Variants in LYST observed in about 807,000 individuals in gnomAD.
LYST encodes lysosomal trafficking regulator.
In LYST, 192 loss-of-function variants were observed where a neutral mutation model predicts 413.6. The observed-to-expected ratio is 0.46, with a 90% CI of 0.41 to 0.52. The LOEUF is 0.52. LYST is among the 20% of genes least tolerant of loss of function. The probability of loss-of-function intolerance (pLI) is 0.00; values close to 1 mark genes in which losing one functional copy is unlikely to be tolerated. For synonymous variants in LYST, 1,525 were observed against 1,567.3 expected (o/e 0.97, Z 0.64); for missense variants, 3,815 against 4,499.9 (o/e 0.85, Z 4.35).
chr1:235,674,687 A>G lies in LYST; in HGVS notation c.11038+2404T>C, dbSNP rs1255019006. Among the ~76,000 whole-genome samples, 1 of 152,222 alleles carries G rather than the reference A, an allele frequency of 6.6e-6. No homozygotes were observed. The highest frequency in any genetic ancestry group is 1.5e-5 in the Non-Finnish European group (1 of 68,036). On this transcript the variant is annotated intron_variant, in intron 50 of 52. Transcript: ENST00000389793. This position sits in a 1 kb window ranked among gnomAD's most constrained non-coding sequence, Gnocchi z 4.1. ...GTCAGATGGCTTAGGAAAATAGAAT[A>G]GCCCTTAACATAATATTGGCCAAAA... is the stretch of plus-strand genomic sequence containing the variant.
intron 4 of LYST, 121 bp from the exon 5 acceptor site, chr1:235,810,655 C>A: frequency 1.1e-6 from 1 of 870,270 alleles, no homozygotes; most frequent in South Asian, 1.5e-5. Context: ...ATGTATTTTG[C>A]TGCAGGGCTG....
At position 235,699,263 on chromosome 1, in the gene LYST, G is replaced by A. The variant is rs925384184; in HGVS notation, c.10375-1991C>T. Reference sequence around the variant, plus strand: ...CCACCAACTCCACCGCGTGGCCCCAGGGTGTGTTTTTCCCCTCCCTGTGTC... The same window carrying A: ...CCACCAACTCCACCGCGTGGCCCCAAGGTGTGTTTTTCCCCTCCCTGTGTC... On this transcript the variant is annotated intron_variant, in intron 45 of 52. Transcript: ENST00000389793. 1.3e-5 allele frequency among the ~76,000 whole-genome samples: 2 copies of A among 152,184 alleles called. 1 individual carries two copies. Among genetic ancestry groups the A allele is most frequent in the Admixed American group, 1.3e-4 (2 of 15,294 alleles).
chr1:235,880,793 T>C (rs1003243642), intron 1 of LYST, among the ~76,000 whole-genome samples: 6 of 152,156 alleles, frequency 3.9e-5, no homozygotes, highest in Admixed American at 6.5e-5. Flanking sequence ...CTTACGCAAA[T>C]GGGAAGAACA....
intron 45 of LYST, among the ~76,000 whole-genome samples, chr1:235,701,926 A>G (rs1661583993): frequency 6.6e-6 from 1 of 152,208 alleles, no homozygotes; most frequent in South Asian, 2.1e-4. Context: ...TCTTACATAA[A>G]GTAATATTAC....
intron 39 of LYST, among the ~76,000 whole-genome samples, chr1:235,723,080 G>A (rs1176466732): frequency 6.6e-6 from 1 of 152,202 alleles, no homozygotes; most frequent in Non-Finnish European, 1.5e-5. Context: ...TTAATAGAGT[G>A]TATGCAGGGT....
At chr1:235,771,393 A>G (rs1411888826) in intron 19 of LYST, among the ~76,000 whole-genome samples, 2 of 152,314 alleles carry the variant, frequency 1.3e-5, no homozygotes, top group South Asian at 2.1e-4. Flanking sequence ...TTCTTTTAAA[A>G]TCAAACAACC....
In LYST at chr1:235,682,318, C is replaced by T. The variant is rs189976474; in HGVS notation, c.10800+4631G>A. Among the ~76,000 whole-genome samples the T allele has an allele frequency of 2.6e-3, 395 of 152,240 alleles. 1 individual carries two copies. Among genetic ancestry groups the T allele is most frequent in the African/African-American group, 8.9e-3 (369 of 41,532 alleles). On this transcript the variant is annotated intron_variant, in intron 48 of 52. Transcript: ENST00000389793. ...CCAGCATGGGCAAAAGGGCAAGACC[C>T]TGTATGCCCAAGAAGAAAGTGGAGA...
At chr1:235,704,529 T>C (rs915387390) in intron 44 of LYST, among the ~76,000 whole-genome samples, 1 of 152,244 alleles carries the variant, frequency 6.6e-6, no homozygotes, top group African/African-American at 2.4e-5. Flanking sequence ...TTTTTTCATA[T>C]GTTTGTTGGT....
intron 1 of LYST, among the ~76,000 whole-genome samples, chr1:235,849,357 G>A (rs187540043): frequency 1.6e-3 from 240 of 151,948 alleles, no homozygotes; most frequent in African/African-American, 5.5e-3. Context: ...GGCATACAAG[G>A]GTCATACCTT....
At chr1:235,764,495 C>CTTT (rs1020736833) in intron 21 of LYST, among the ~76,000 whole-genome samples, 144 of 97,924 alleles carry the variant, frequency 1.5e-3, no homozygotes, top group African/African-American at 2.4e-3. Context: ...TTTTTCTTTT[C>CTTT]TTTTTTTTTT....
Position 235,830,383 on chromosome 1 carries a change from A to T in LYST, c.35T>A (p.Phe12Tyr). ...STDSNSLARE[F>Y]LTDVNRLCNA... is the part of the protein sequence containing the mutation. ...GCAAAGCCGGTTGACATCGGTCAGA[A>T]ATTCACGTGCCAGTGAGTTACTGTC... The change falls in exon 3 of 53, where the codon TTT (phenylalanine) becomes TAT (tyrosine). Residue 12 changes from phenylalanine to tyrosine, a missense_variant. Physicochemically the swap from Phe to Tyr is conservative, Grantham distance 22. Transcript: ENST00000389793. 6.2e-7 allele frequency: 1 copy of T among 1,613,792 alleles called. No homozygotes were observed. Among genetic ancestry groups the T allele is most frequent in the Non-Finnish European group, 8.5e-7 (1 of 1,179,876 alleles).
Position 235,686,802 on chromosome 1 carries a change from T to C in LYST, c.10800+147A>G. 2 of 702,574 alleles carry C rather than the reference T, an allele frequency of 2.8e-6. No individual in the cohort carries two copies. The highest frequency in any genetic ancestry group is 5.1e-6 in the Non-Finnish European group (2 of 390,556). The allele number at this position is 702,574 out of a possible 1,614,324, so 43.5% of individuals were successfully genotyped here. On this transcript the variant is annotated intron_variant, in intron 48 of 52. Coordinates refer to ENST00000389793, the MANE Select transcript of LYST (RefSeq NM_000081.4). The surrounding 1 kb of genome is among the most constrained non-coding windows in gnomAD (Gnocchi z 4.0). ...GATTTTTCATGATTCTAATAAACCC[T>C]AAAGCATTTTAAGACCTAATGTAGG...
intron 31 of LYST, chr1:235,735,178 A>G (rs1430630675): frequency 6.6e-6 from 1 of 152,174 alleles, no homozygotes; most frequent in Non-Finnish European, 1.5e-5. Flanking sequence ...AGAAACTGGG[A>G]TAAAGGAAGA....
At position 235,712,022 on chromosome 1, in the gene LYST, C is replaced by A. The variant is rs1258065447; in HGVS notation, c.9925+35G>T. 2.0e-6 allele frequency: 3 copies of A among 1,479,462 alleles called. No individual in the cohort carries two copies. The African/African-American group carries it at 4.2e-5, about 21-fold the overall frequency. The allele number at this position is 1,479,462 out of a possible 1,614,324, so 91.6% of individuals were successfully genotyped here. A position where few individuals can be genotyped will look rare whatever the true frequency, so the allele number is the denominator to read the frequency against. On this transcript the variant is annotated intron_variant, in intron 43 of 52. Coordinates refer to ENST00000389793, the MANE Select transcript of LYST (RefSeq NM_000081.4). ...AAATTACAAAATAACCACAAGCCCT[C>A]AGAAATATAAATTAAAAATAATTTA...
rs75969672 is a variant in LYST at position 235,715,394 on chromosome 1, T to C, written c.9628-37A>G. 4.0e-3 allele frequency: 6,449 copies of C among 1,606,758 alleles called. 218 individuals are homozygous for C. In the African/African-American group the frequency reaches 0.074, roughly 18 times the overall value. On this transcript the variant is annotated intron_variant, in intron 41 of 52. Coordinates refer to ENST00000389793, the MANE Select transcript of LYST (RefSeq NM_000081.4). Reference sequence around the variant, plus strand: ...GGTGAATCCAGAGAATTCATGATTGTGGGCTCCAGGCAACGCTAGAAAAGT... The same window carrying C: ...GGTGAATCCAGAGAATTCATGATTGCGGGCTCCAGGCAACGCTAGAAAAGT...
At chr1:235,771,829 T>C (rs1297429013) in intron 19 of LYST, among the ~76,000 whole-genome samples, 2 of 151,772 alleles carry the variant, frequency 1.3e-5, no homozygotes, top group Non-Finnish European at 2.9e-5. Flanking sequence ...TAATTTTCTA[T>C]AGGAAGAATA....
intron 28 of LYST, among the ~76,000 whole-genome samples, chr1:235,748,755 TG>T (rs1455783363): frequency 6.6e-6 from 1 of 152,142 alleles, no homozygotes; most frequent in East Asian, 1.9e-4. Flanking sequence ...CCTCTAGCAA[TG>T]CAAGAACTTA....
At chr1:235,850,337 A>G (rs1336204389) in intron 1 of LYST, among the ~76,000 whole-genome samples, 3 of 152,172 alleles carry the variant, frequency 2.0e-5, no homozygotes, top group African/African-American at 7.2e-5. Flanking sequence ...AGGAGAATGA[A>G]ACTGGATCCT....
At chr1:235,869,060 G>A (rs953131059), upstream of LYST, among the ~76,000 whole-genome samples, 1 of 152,032 alleles carries the variant, frequency 6.6e-6, no homozygotes, top group Middle Eastern at 3.2e-3. Flanking sequence ...TTAGAACATC[G>A]ATACTAAATA....
Sources: allele counts gnomAD v4.1 joint callset (sites outside exome capture counted in the v4.1 genomes callset), GRCh38; gene constraint gnomAD v4.1.1; non-coding constraint Gnocchi (gnomAD v3.1); transcripts MANE v1.5; gene names NCBI Gene and HGNC (gene_info 2026-07-23, HGNC 2026-07-21).